IL1RAPL2: variants seen among roughly 807,000 people sequenced by gnomAD.
IL1RAPL2 encodes the protein X-linked interleukin-1 receptor accessory protein-like 2.
IL1RAPL2 carries 3 observed loss-of-function variants against 44.1 expected under a neutral mutation model. The ratio of observed to expected loss-of-function variants is 0.07; its 90% CI spans 0.03 to 0.18. The LOEUF (loss-of-function observed/expected upper bound fraction) is 0.18, where lower values mean the gene tolerates loss of function less well. Among genes scored for constraint, IL1RAPL2 ranks in the 10% least tolerant of loss-of-function variants. IL1RAPL2 has a pLI of 1.00. For missense variants in IL1RAPL2, 391 were observed against 496.4 expected, an observed-to-expected ratio of 0.79 and a Z score of 2.02; for synonymous variants, 181 against 178.8, an observed-to-expected ratio of 1.01 and a Z score of -0.10.
intron 6 of IL1RAPL2, among the ~76,000 whole-genome samples, chrX:105,526,483 G>A (rs752106598): frequency 9.0e-6 from 1 of 111,674 alleles, no homozygotes; most frequent in African/African-American, 3.2e-5. Flanking sequence ...CCTTGATTGT[G>A]TTCTCCCATG....
intron 2 of IL1RAPL2, among the ~76,000 whole-genome samples, chrX:104,867,273 G>C (rs947008822): frequency 1.9e-5 from 2 of 105,499 alleles, no homozygotes; most frequent in African/African-American, 3.4e-5. Flanking sequence ...GTATAGCCAT[G>C]TAACAACAAC....
chrX:104,813,257 A>G (rs1379388652), intron 2 of IL1RAPL2, among the ~76,000 whole-genome samples: 1 of 111,407 alleles, frequency 9.0e-6, no homozygotes, highest in Non-Finnish European at 1.9e-5. Context: ...GCTTTAGGAA[A>G]CAGTATGCAT....
intron 2 of IL1RAPL2, among the ~76,000 whole-genome samples, chrX:104,748,953 A>G (rs1023859112): frequency 1.8e-5 from 2 of 111,207 alleles, no homozygotes; most frequent in African/African-American, 6.5e-5. Context: ...CAGTTCTTAT[A>G]TAGGGCCCTT....
chrX:104,899,916 A>G (rs1923764474), intron 2 of IL1RAPL2, among the ~76,000 whole-genome samples: 1 of 112,505 alleles, frequency 8.9e-6, no homozygotes, highest in Non-Finnish European at 1.9e-5. Context: ...ACCATATGTA[A>G]TGACACCTTG....
intron 4 of IL1RAPL2, among the ~76,000 whole-genome samples, chrX:105,236,432 G>T (rs2034120574): frequency 8.9e-6 from 1 of 112,292 alleles, no homozygotes; most frequent in Non-Finnish European, 1.9e-5. Flanking sequence ...AGTACTTACT[G>T]TATGGCAAGC....
At chrX:105,111,459 G>C (rs1241979190) in intron 2 of IL1RAPL2, among the ~76,000 whole-genome samples, 5 of 111,608 alleles carry the variant, frequency 4.5e-5, no homozygotes, top group African/African-American at 1.6e-4. Flanking sequence ...AAAAAGGAAA[G>C]AGTGGCTGCT....
At chrX:105,079,427 C>A (rs762459242) in intron 2 of IL1RAPL2, among the ~76,000 whole-genome samples, 7 of 109,122 alleles carry the variant, frequency 6.4e-5, no homozygotes, top group African/African-American at 2.0e-4. Context: ...CCCAAATGCC[C>A]ATCAATGATA....
chrX:104,598,547 C>T (rs1159528134), intron 1 of IL1RAPL2, among the ~76,000 whole-genome samples: 1 of 111,730 alleles, frequency 9.0e-6, no homozygotes, highest in Non-Finnish European at 1.9e-5. Context: ...CTTTGTGTTC[C>T]TTTTACCTCT....
intron 2 of IL1RAPL2, among the ~76,000 whole-genome samples, chrX:105,165,999 T>A (rs1040303616): frequency 2.7e-5 from 3 of 111,852 alleles, no homozygotes; most frequent in African/African-American, 9.7e-5. Context: ...TCCTTGAATT[T>A]GAATATTGGC....
chrX:104,817,409 C>T (rs751845297), intron 2 of IL1RAPL2, among the ~76,000 whole-genome samples: 1 of 111,684 alleles, frequency 9.0e-6, no homozygotes, highest in South Asian at 3.8e-4. Context: ...TGGCAAGCCT[C>T]GAGGGAGAAT....
At chrX:105,312,668 T>G (rs2034807506) in intron 5 of IL1RAPL2, among the ~76,000 whole-genome samples, 1 of 111,729 alleles carries the variant, frequency 9.0e-6, no homozygotes, top group Admixed American at 9.5e-5. Context: ...CATACTTTTA[T>G]ATACATTGTA....
Position 104,937,597 on chromosome X carries a change from T to C in IL1RAPL2, c.83-257878T>C, listed in dbSNP as rs769275934. Reference sequence around the variant, plus strand: ...TGCAGTATCTGACTAGGCAACTGCCTTCCAGCAACATCACTACATTAAGGC... The same window carrying C: ...TGCAGTATCTGACTAGGCAACTGCCCTCCAGCAACATCACTACATTAAGGC... On this transcript the variant is annotated intron_variant, in intron 2 of 10. Transcript: ENST00000372582. Among the ~76,000 whole-genome samples the C allele has an allele frequency of 3.6e-5, 4 of 112,434 alleles. No individual in the cohort carries two copies. In the South Asian group the frequency reaches 1.5e-3, roughly 42 times the overall value.
chrX:104,631,547 G>A (rs1241908302), intron 1 of IL1RAPL2, among the ~76,000 whole-genome samples: 1 of 111,452 alleles, frequency 9.0e-6, no homozygotes, highest in Non-Finnish European at 1.9e-5. Flanking sequence ...GGTGTGAGAT[G>A]GTATCTCATT....
At chrX:104,715,813 A>G (rs1283640387) in intron 2 of IL1RAPL2, among the ~76,000 whole-genome samples, 3 of 111,381 alleles carry the variant, frequency 2.7e-5, no homozygotes, top group East Asian at 5.7e-4. Flanking sequence ...AAAACATTCC[A>G]TGCCTATTGA....
intron 2 of IL1RAPL2, among the ~76,000 whole-genome samples, chrX:104,720,161 T>C (rs1418349367): frequency 8.1e-5 from 9 of 111,520 alleles, no homozygotes; most frequent in Admixed American, 1.9e-4. Flanking sequence ...CTTAAAACAA[T>C]GCATCAGAGT....
At chrX:105,391,155 A>G (rs779019370) in intron 5 of IL1RAPL2, among the ~76,000 whole-genome samples, 1 of 111,738 alleles carries the variant, frequency 8.9e-6, no homozygotes, top group South Asian at 3.7e-4. Flanking sequence ...ACTAGGCTTC[A>G]CTTATTTATG....
At chrX:104,902,258 A>G (rs1270381947) in intron 2 of IL1RAPL2, among the ~76,000 whole-genome samples, 1 of 112,048 alleles carries the variant, frequency 8.9e-6, no homozygotes, top group Non-Finnish European at 1.9e-5. Context: ...CATAACAGAG[A>G]CTGAGGAGGT....
intron 5 of IL1RAPL2, among the ~76,000 whole-genome samples, chrX:105,314,909 G>C (rs758074604): frequency 2.7e-5 from 3 of 112,067 alleles, no homozygotes; most frequent in East Asian, 2.8e-4. Flanking sequence ...ATGAGAAGCT[G>C]AAAGACTGCA....
chrX:104,788,233 A>G (rs1179206551), intron 2 of IL1RAPL2, among the ~76,000 whole-genome samples: 1 of 112,277 alleles, frequency 8.9e-6, no homozygotes, highest in African/African-American at 3.2e-5. Context: ...CAGATCTGAC[A>G]TCATAACAGT....
Sources: allele counts gnomAD v4.1 joint callset (sites outside exome capture counted in the v4.1 genomes callset), GRCh38; gene constraint gnomAD v4.1.1; transcripts MANE v1.5; gene names NCBI Gene and HGNC (gene_info 2026-07-23, HGNC 2026-07-21).